The following ASTN2 variants were observed in gnomAD, a reference collection of about 807,000 sequenced individuals.
The protein encoded by ASTN2 is astrotactin 2.
Under a neutral mutation model 139.8 loss-of-function variants are expected in ASTN2, and 54 were observed. That is an observed-to-expected ratio of 0.39 (90% CI 0.31 to 0.48). The LOEUF (loss-of-function observed/expected upper bound fraction) is 0.48. ASTN2 is among the 20% of genes least tolerant of loss of function. The pLI is 0.95. For synonymous variants in ASTN2, 756 were observed against 719.5 expected (o/e 1.05, Z -0.81); for missense variants, 1,565 against 1,725.1 (o/e 0.91, Z 1.64).
At chr9:116,622,610 A>C (rs1856219081) in intron 17 of ASTN2, among the ~76,000 whole-genome samples, 1 of 152,244 alleles carries the variant, frequency 6.6e-6, no homozygotes, top group Non-Finnish European at 1.5e-5. Context: ...ATCCCAACCC[A>C]GATTTCTGTG....
intron 13 of ASTN2, among the ~76,000 whole-genome samples, chr9:116,786,021 C>T (rs553410804): frequency 1.6e-4 from 24 of 152,290 alleles, no homozygotes; most frequent in Admixed American, 5.9e-4. Context: ...CCCATTGCCT[C>T]TTTATTTGTA....
intron 5 of ASTN2, among the ~76,000 whole-genome samples, chr9:117,077,671 C>T (rs1828316406): frequency 6.6e-6 from 1 of 152,206 alleles, no homozygotes; most frequent in Non-Finnish European, 1.5e-5. Flanking sequence ...TCGCTTGAAC[C>T]TGGCAGATGG....
At chr9:116,958,910 A>T (rs1473736967) in intron 10 of ASTN2, among the ~76,000 whole-genome samples, 1 of 152,198 alleles carries the variant, frequency 6.6e-6, no homozygotes, top group Non-Finnish European at 1.5e-5. Flanking sequence ...CAAGGAAATG[A>T]TATAACAATT....
chr9:117,264,865 C>T (rs1833906617), intron 2 of ASTN2, among the ~76,000 whole-genome samples: 1 of 152,158 alleles, frequency 6.6e-6, no homozygotes, highest in South Asian at 2.1e-4. Context: ...AAATCACACA[C>T]ATAGTGGAGG....
chr9:116,907,528 C>G (rs752117115), intron 10 of ASTN2, among the ~76,000 whole-genome samples: 1 of 152,192 alleles, frequency 6.6e-6, no homozygotes, highest in Non-Finnish European at 1.5e-5. Flanking sequence ...TTCATGGGCT[C>G]TCCCATTGGT....
At chr9:117,385,138 C>T (rs183013819) in intron 1 of ASTN2, among the ~76,000 whole-genome samples, 30 of 152,132 alleles carry the variant, frequency 2.0e-4, no homozygotes, top group African/African-American at 7.0e-4. Context: ...TCAAAGTATG[C>T]ACATGAATTA....
At chr9:116,519,557 T>C (rs1357503405) in intron 19 of ASTN2, among the ~76,000 whole-genome samples, 1 of 151,936 alleles carries the variant, frequency 6.6e-6, no homozygotes. Context: ...ATCAAAAGTC[T>C]GAAAGAGCAT....
chr9:116,831,634 T>TA (rs1564291286), intron 11 of ASTN2, among the ~76,000 whole-genome samples: 1 of 152,142 alleles, frequency 6.6e-6, no homozygotes, highest in Non-Finnish European at 1.5e-5. Context: ...AAAAGTATAA[T>TA]ATGATAAAAA....
intron 1 of ASTN2, among the ~76,000 whole-genome samples, chr9:117,413,074 G>A (rs1490059125): frequency 6.6e-6 from 1 of 152,234 alleles, no homozygotes; most frequent in Non-Finnish European, 1.5e-5. Context: ...TCAGGTTACA[G>A]CCTGCGAGGG....
intron 10 of ASTN2, among the ~76,000 whole-genome samples, chr9:116,936,441 A>C (rs142169305): frequency 6.6e-6 from 1 of 152,140 alleles, no homozygotes; most frequent in Non-Finnish European, 1.5e-5. Context: ...GCATGGTCTC[A>C]TTGCATTCTC....
intron 20 of ASTN2, among the ~76,000 whole-genome samples, chr9:116,456,808 T>G (rs1200795737): frequency 6.6e-6 from 1 of 152,256 alleles, no homozygotes; most frequent in Non-Finnish European, 1.5e-5. Flanking sequence ...GGTGGGGACA[T>G]GGCCAAACCA....
chr9:116,677,036 T>C (rs1235636466), intron 16 of ASTN2, among the ~76,000 whole-genome samples: 1 of 152,238 alleles, frequency 6.6e-6, no homozygotes, highest in Non-Finnish European at 1.5e-5. Flanking sequence ...ATAAGAGATT[T>C]GAAATGATTT....
chr9:117,120,399 A>G (rs1829528218), intron 4 of ASTN2, among the ~76,000 whole-genome samples: 1 of 152,164 alleles, frequency 6.6e-6, no homozygotes, highest in African/African-American at 2.4e-5. Context: ...CAGTGAGTGT[A>G]TACAGTAATG....
chr9:117,127,972 T>A (rs7036077), intron 4 of ASTN2, among the ~76,000 whole-genome samples: 1 of 151,948 alleles, frequency 6.6e-6, no homozygotes, highest in Non-Finnish European at 1.5e-5. Context: ...GAGCCACCGC[T>A]CCCGGCCGGG....
chr9:116,594,100 A>C (rs1026911248), intron 19 of ASTN2, among the ~76,000 whole-genome samples: 10 of 152,352 alleles, frequency 6.6e-5, no homozygotes, highest in Admixed American at 6.5e-4. Flanking sequence ...TAGAAGTTTA[A>C]GAAACATCAA....
intron 2 of ASTN2, among the ~76,000 whole-genome samples, chr9:117,234,243 C>T (rs1832979234): frequency 6.6e-6 from 1 of 152,202 alleles, no homozygotes; most frequent in South Asian, 2.1e-4. Context: ...AAAAGGGAGC[C>T]TCAGGCAGGG....
At chr9:117,178,859 G>T (rs150667141) in intron 3 of ASTN2, among the ~76,000 whole-genome samples, 1 of 152,324 alleles carries the variant, frequency 6.6e-6, no homozygotes, top group East Asian at 1.9e-4. Context: ...TGCAGCCAGG[G>T]TGTTCCTGGG....
At chr9:116,956,456 T>C (rs1835711213) in intron 10 of ASTN2, among the ~76,000 whole-genome samples, 1 of 147,908 alleles carries the variant, frequency 6.8e-6, no homozygotes, top group South Asian at 2.1e-4. Flanking sequence ...ATAATATATA[T>C]GAAATATGTA....
chr9:117,173,980 C>A (rs200038810), intron 3 of ASTN2, among the ~76,000 whole-genome samples: 4 of 150,620 alleles, frequency 2.7e-5, no homozygotes, highest in Admixed American at 1.3e-4. Context: ...AAACCAAGAA[C>A]AAAAAAAACA....
Sources: gnomAD v4.1 joint callset for allele counts (sites outside exome capture counted in the v4.1 genomes callset) on GRCh38, gnomAD v4.1.1 for gene constraint, MANE v1.5 for transcripts, NCBI Gene and HGNC (gene_info 2026-07-23, HGNC 2026-07-21) for gene names.